Variants in TCF20 observed in about 807,000 individuals in gnomAD.
The protein encoded by TCF20 is transcription factor 20, also known as SPRE-binding protein.
Under a neutral mutation model 148.6 loss-of-function variants are expected in TCF20, and 3 were observed. The observed-to-expected ratio is 0.02, with a 90% confidence interval of 0.01 to 0.05. The LOEUF is 0.05. Among genes scored for constraint, TCF20 ranks in the 10% least tolerant of loss-of-function variants. TCF20 has a pLI of 1.00. For missense variants in TCF20, 2,350 were observed against 2,429.3 expected (o/e 0.97, Z 0.69); for synonymous variants, 1,049 against 909.5 (o/e 1.15, Z -2.76).
chr22:42,194,330 T>C (rs1437244367), intron 2 of TCF20, among the ~76,000 whole-genome samples: 3 of 152,164 alleles, frequency 2.0e-5, no homozygotes, highest in Non-Finnish European at 4.4e-5. Context: ...GAGATTCCAT[T>C]ATTGGGAGAT....
At chr22:42,232,945 G>A (rs560741687) in intron 1 of TCF20, among the ~76,000 whole-genome samples, 1 of 152,064 alleles carries the variant, frequency 6.6e-6, no homozygotes, top group South Asian at 2.1e-4. Context: ...TTTTGAGACA[G>A]AGTCTCCCTC....
chr22:42,281,441 G>T (rs915273633), intron 1 of TCF20, among the ~76,000 whole-genome samples: 1 of 152,168 alleles, frequency 6.6e-6, no homozygotes, highest in Admixed American at 6.6e-5. Flanking sequence ...GTGAAACAAG[G>T]GCCCCACTTC....
At chr22:42,302,274 G>A (rs1927350540) in intron 1 of TCF20, among the ~76,000 whole-genome samples, 1 of 152,204 alleles carries the variant, frequency 6.6e-6, no homozygotes, top group Non-Finnish European at 1.5e-5. Flanking sequence ...CAGGCTGGTG[G>A]TGGCTGCAGC....
At chr22:42,249,485 ACT>A (rs1601659836) in intron 1 of TCF20, among the ~76,000 whole-genome samples, 1 of 152,146 alleles carries the variant, frequency 6.6e-6, no homozygotes, top group African/African-American at 2.4e-5. Context: ...GATCTGTGAA[ACT>A]CTTCCCTCGC....
At chr22:42,250,743 T>C (rs975710240) in intron 1 of TCF20, among the ~76,000 whole-genome samples, 2 of 152,218 alleles carry the variant, frequency 1.3e-5, no homozygotes, top group Non-Finnish European at 2.9e-5. Flanking sequence ...ACTAGGCTGT[T>C]CCTGCATTGC....
At chr22:42,289,101 G>C (rs1158813483) in intron 1 of TCF20, among the ~76,000 whole-genome samples, 1 of 152,224 alleles carries the variant, frequency 6.6e-6, no homozygotes, top group East Asian at 1.9e-4. Flanking sequence ...CAGACCAACA[G>C]ATATTCCCCG....
chr22:42,233,538 C>T (rs1052849386), intron 1 of TCF20, among the ~76,000 whole-genome samples: 1 of 152,226 alleles, frequency 6.6e-6, no homozygotes, highest in Non-Finnish European at 1.5e-5. Context: ...GCAAATCGCA[C>T]TTTTCCCTTA....
Position 42,210,636 on chromosome 22 carries a change from G to C in TCF20, c.4670C>G (p.Pro1557Arg). 6.2e-7 allele frequency: 1 copy of C among 1,614,132 alleles called. No individual in the cohort carries two copies. The highest frequency in any genetic ancestry group is 8.5e-7 in the Non-Finnish European group (1 of 1,180,020). ...VNKQKKQQQP[P>R]PPPPQPPQIP... Reference sequence around the variant, plus strand: ...CTGTGGGGGCTGAGGGGGTGGAGGCGGTGGCTGCTGCTGTTTCTTTTGCTT... The same window carrying C: ...CTGTGGGGGCTGAGGGGGTGGAGGCCGTGGCTGCTGCTGTTTCTTTTGCTT... The change falls in exon 2 of 6, where the codon CCG (proline) becomes CGG (arginine). Residue 1557 changes from proline (P) to arginine (R), a missense_variant. By Grantham distance (103) the Pro-to-Arg change is moderately radical. Coordinates refer to ENST00000677622, the MANE Select transcript of TCF20 (RefSeq NM_001378418.1). The surrounding 1 kb of genome is among the most constrained non-coding windows in gnomAD (Gnocchi z 4.7).
chr22:42,327,087 G>A (rs9623565), intron 1 of TCF20, among the ~76,000 whole-genome samples: 240 of 152,340 alleles, frequency 1.6e-3, no homozygotes, highest in African/African-American at 5.6e-3. Context: ...TCGCGGCAAC[G>A]ATGAGGCGAG....
chr22:42,230,122 C>T (rs2147273826), intron 1 of TCF20, among the ~76,000 whole-genome samples: 1 of 152,314 alleles, frequency 6.6e-6, no homozygotes, highest in Admixed American at 6.5e-5. Context: ...TCCAGGTGTA[C>T]CACACAGCTT....
intron 2 of TCF20, among the ~76,000 whole-genome samples, chr22:42,203,975 T>C (rs1021428748): frequency 6.6e-6 from 1 of 152,238 alleles, no homozygotes; most frequent in Non-Finnish European, 1.5e-5. Flanking sequence ...TTAGAGAGCA[T>C]GTAGACTGGT....
chr22:42,240,130 C>T (rs943595892), intron 1 of TCF20, among the ~76,000 whole-genome samples: 1 of 152,168 alleles, frequency 6.6e-6, no homozygotes, highest in African/African-American at 2.4e-5. Context: ...ACTGGCACAG[C>T]CACCCACGAG....
chr22:42,329,640 C>T (rs1294982617), intron 1 of TCF20, among the ~76,000 whole-genome samples: 4 of 152,178 alleles, frequency 2.6e-5, no homozygotes, highest in Admixed American at 2.6e-4. Context: ...TGCTGGATCG[C>T]CACCCAGGAG....
Position 42,211,908 on chromosome 22 carries a change from C to A in TCF20, c.3398G>T (p.Arg1133Leu). 2.0e-5 allele frequency: 33 copies of A among 1,614,176 alleles called. No homozygotes were observed. Among genetic ancestry groups the A allele is most frequent in the Non-Finnish European group, 2.8e-5 (33 of 1,180,036 alleles). ...ATCTTTGTCATTTTTCAGAGGGCTC[C>A]GTACTCTGTCAAGAAACTGCTGCTG... ...PRQQQFLDRV[R>L]SPLKNDKDGM... The change falls in exon 2 of 6, where the codon CGG (arginine) becomes CTG (leucine). Residue 1133 changes from arginine to leucine, a missense_variant. Physicochemically the swap from Arg to Leu is moderately radical, Grantham distance 102. Around this residue, in one of 7 missense-constraint regions of TCF20, gnomAD observed 1,641 missense variants for 1,662.6 expected, o/e 0.99. Coordinates refer to ENST00000677622, the MANE Select transcript of TCF20 (RefSeq NM_001378418.1).
intron 5 of TCF20, among the ~76,000 whole-genome samples, chr22:42,163,091 CAAG>C (rs1438016352): frequency 2.0e-5 from 3 of 152,228 alleles, no homozygotes; most frequent in Non-Finnish European, 2.9e-5. Flanking sequence ...AGGCTCTGCT[CAAG>C]GAGGGGACAG....
chr22:42,211,607 A>G lies in TCF20; in HGVS notation c.3699T>C (p.Gly1233=). 1 of 1,614,132 alleles carries G rather than the reference A, an allele frequency of 6.2e-7. No homozygotes were observed. The highest frequency in any genetic ancestry group is 8.5e-7 in the Non-Finnish European group (1 of 1,180,018). The change falls in exon 2 of 6, where the codon GGT becomes GGC. Residue 1233 remains glycine, a synonymous_variant. Coordinates refer to ENST00000677622, the MANE Select transcript of TCF20 (RefSeq NM_001378418.1). The part of the protein sequence containing the change: ...LAEATQSSKP[G]SVMLRLPGQE... The stretch of plus-strand genomic sequence containing the variant: ...GGCCTGGAAGTCTCAGCATAACACT[A>G]CCAGGTTTGGATGACTGTGTAGCCT...
intron 1 of TCF20, among the ~76,000 whole-genome samples, chr22:42,322,928 T>C (rs1022559390): frequency 1.3e-5 from 2 of 151,094 alleles, no homozygotes; most frequent in Non-Finnish European, 3.0e-5. Context: ...TTTTTTGAGA[T>C]GGAGTTTCAC....
intron 1 of TCF20, among the ~76,000 whole-genome samples, chr22:42,293,234 C>A (rs573435139): frequency 6.6e-6 from 1 of 152,324 alleles, no homozygotes; most frequent in African/African-American, 2.4e-5. Flanking sequence ...AAACTGCCAC[C>A]CTGCTCCAGC....
chr22:42,243,632 C>T (rs768553893), intron 1 of TCF20, among the ~76,000 whole-genome samples: 7 of 151,996 alleles, frequency 4.6e-5, no homozygotes, highest in Non-Finnish European at 8.8e-5. Context: ...CAAATATGAA[C>T]TGGACTTGAG....
Sources: allele counts gnomAD v4.1 joint callset (sites outside exome capture counted in the v4.1 genomes callset), GRCh38; gene constraint gnomAD v4.1.1; regional missense constraint gnomAD v4.1.1; non-coding constraint Gnocchi (gnomAD v3.1); transcripts MANE v1.5; gene names NCBI Gene and HGNC (gene_info 2026-07-23, HGNC 2026-07-21).